The following IL17RC variants were observed in gnomAD, a reference collection of about 807,000 sequenced individuals.
IL17RC encodes the protein interleukin-17 receptor C.
IL17RC carries 53 observed loss-of-function variants against 86.7 expected under a neutral mutation model. The observed-to-expected ratio is 0.61, with a 90% confidence interval of 0.49 to 0.77. The LOEUF (loss-of-function observed/expected upper bound fraction) is 0.77, where lower values mean the gene tolerates loss of function less well. Among genes scored for constraint, IL17RC ranks in the 30% least tolerant of loss-of-function variants. The probability of loss-of-function intolerance (pLI) is 0.00; values close to 1 mark genes in which losing one functional copy is unlikely to be tolerated. For missense variants in IL17RC, 957 were observed against 940.0 expected, an observed-to-expected ratio of 1.02 and a Z score of -0.24; for synonymous variants, 439 against 413.1, an observed-to-expected ratio of 1.06 and a Z score of -0.76.
chr3:9,925,860 ATTT>A (rs112277639), intron 9 of IL17RC, among the ~76,000 whole-genome samples: 12 of 138,488 alleles, frequency 8.7e-5, no homozygotes, highest in Non-Finnish European at 1.4e-4. Context: ...ATTTTCTTAA[ATTT>A]TTTTTTTTTT....
At chr3:9,920,386 G>T (rs760780737) in intron 5 of IL17RC, 105 bp from the exon 6 acceptor site, 2 of 690,458 alleles carry the variant, frequency 2.9e-6, no homozygotes, top group Non-Finnish European at 5.3e-6. Context: ...TCATTAGTTG[G>T]GGGAGGAGGG....
intron 7 of IL17RC, 134 bp downstream of exon 7, chr3:9,921,103 CATTCATTT>C (rs2083505524): frequency 1.7e-6 from 1 of 586,752 alleles, no homozygotes; most frequent in Non-Finnish European, 3.0e-6. Flanking sequence ...TTCATTCATT[CATTCATTT>C]GTTCATAACA....
chr3:9,932,213 T>G (rs2084785848), intron 16 of IL17RC, among the ~76,000 whole-genome samples: 1 of 152,068 alleles, frequency 6.6e-6, no homozygotes, highest in Admixed American at 6.5e-5. Context: ...GGCAAATCAT[T>G]TCTTCGTTTT....
At chr3:9,919,632 C>G (rs890134777) in intron 5 of IL17RC, among the ~76,000 whole-genome samples, 2 of 151,928 alleles carry the variant, frequency 1.3e-5, no homozygotes, top group East Asian at 3.9e-4. Flanking sequence ...GGCGACAGAG[C>G]GAGATTCCGT....
rs761856899 is a variant in IL17RC at position 9,930,504 on chromosome 3, C to A, written c.1338+45C>A. ...GCCCCACCTCAATGCCTAGGGGCAA[C>A]AGGCCTAAAACTAGCACTCACCTAC... On this transcript the variant is annotated intron_variant, in intron 15 of 18. Coordinates refer to ENST00000403601, the MANE Select transcript of IL17RC (RefSeq NM_153460.4). The surrounding 1 kb of genome is among the most constrained non-coding windows in gnomAD (Gnocchi z 5.8). The A allele has an allele frequency of 6.3e-7, 1 of 1,582,654 alleles. No homozygotes were observed. The highest frequency in any genetic ancestry group is 1.1e-5 in the South Asian group (1 of 90,102).
chr3:9,931,925 G>A lies in IL17RC; in HGVS notation c.1388-683G>A, dbSNP rs560381746. Among the ~76,000 whole-genome samples the A allele has an allele frequency of 2.0e-5, 3 of 150,980 alleles. No individual in the cohort carries two copies. The South Asian group carries it at 6.3e-4, about 32-fold the overall frequency. ...GACACCAGGTAGTTGCAGACACCCA[G>A]GACAGCAAGATCAAGGGCCCAGCAA... On this transcript the variant is annotated intron_variant, in intron 16 of 18. Coordinates refer to ENST00000403601, the MANE Select transcript of IL17RC (RefSeq NM_153460.4).
In IL17RC at chr3:9,917,407, C is replaced by T. The variant is rs2083168347; in HGVS notation, c.92C>T (p.Thr31Ile). The change falls in exon 1 of 19, where the codon ACC becomes ATC. Residue 31 changes from threonine to isoleucine, a missense_variant. Coordinates refer to ENST00000403601, the MANE Select transcript of IL17RC (RefSeq NM_153460.4). Reference sequence around the variant, plus strand: ...AGGCTTGTGGGGCCTCAGGACGCTACCCACTGCTCTCCGGTGAGTCTGGAA... The same window carrying T: ...AGGCTTGTGGGGCCTCAGGACGCTATCCACTGCTCTCCGGTGAGTCTGGAA... ...LERLVGPQDA[T>I]HCSPGLSCRL... The T allele has an allele frequency of 6.2e-7, 1 of 1,614,170 alleles. No homozygotes were observed. Among genetic ancestry groups the T allele is most frequent in the African/African-American group, 1.3e-5 (1 of 75,058 alleles).
intron 7 of IL17RC, among the ~76,000 whole-genome samples, chr3:9,921,624 CTTTTT>C (rs113901070): frequency 7.4e-6 from 1 of 135,704 alleles, no homozygotes; most frequent in Admixed American, 7.4e-5. Context: ...TACTGATTTT[CTTTTT>C]TTTTTTTTTT....
intron 9 of IL17RC, among the ~76,000 whole-genome samples, 182 bp downstream of exon 9, chr3:9,924,473 T>C (rs1229804690): frequency 6.6e-6 from 1 of 152,198 alleles, no homozygotes; most frequent in Non-Finnish European, 1.5e-5. Flanking sequence ...TTACATTCCC[T>C]GAATGCTCTC....
In IL17RC at chr3:9,924,217, T is replaced by G; in HGVS notation, c.763-15T>G. 2 of 1,614,030 alleles carry G rather than the reference T, an allele frequency of 1.2e-6. No individual in the cohort carries two copies. The highest frequency in any genetic ancestry group is 1.7e-6 in the Non-Finnish European group (2 of 1,179,992). ...CCTTATCTTCTCCAACCTCCTTCCT[T>G]TATTTGTTCCACAGACTGGACCGCA... On this transcript the variant is annotated splice_polypyrimidine_tract_variant and intron_variant, in intron 8 of 18. Transcript: ENST00000403601.
At chr3:9,921,738 C>T (rs2083575239) in intron 7 of IL17RC, among the ~76,000 whole-genome samples, 1 of 150,712 alleles carries the variant, frequency 6.6e-6, no homozygotes, top group African/African-American at 2.4e-5. Context: ...CATTCTCCTG[C>T]CTCAGCCTCC....
intron 12 of IL17RC, 80 bp downstream of exon 12, chr3:9,928,710 C>T (rs1247110656): frequency 5.5e-6 from 8 of 1,451,466 alleles, no homozygotes; most frequent in Non-Finnish European, 6.7e-6. Flanking sequence ...AGTTCTTGGG[C>T]CGCTAAAGCA....
intron 7 of IL17RC, among the ~76,000 whole-genome samples, chr3:9,921,591 C>A (rs1411145831): frequency 6.6e-6 from 1 of 151,474 alleles, no homozygotes; most frequent in Non-Finnish European, 1.5e-5. Flanking sequence ...GTATAACATA[C>A]ATACATAAAA....
intron 9 of IL17RC, 31 bp downstream of exon 9, chr3:9,924,322 G>A (rs776019084): frequency 1.2e-6 from 2 of 1,603,630 alleles, no homozygotes; most frequent in South Asian, 2.2e-5. Context: ...GGTGCCAGAA[G>A]AGGAGTGGGA....
In IL17RC at chr3:9,917,983, C is replaced by G; in HGVS notation, c.188C>G (p.Pro63Arg). The G allele has an allele frequency of 6.2e-7, 1 of 1,613,886 alleles. No homozygotes were observed. Among genetic ancestry groups the G allele is most frequent in the Non-Finnish European group, 8.5e-7 (1 of 1,179,968 alleles). The change falls in exon 3 of 19, where the codon CCT becomes CGT. Residue 63 changes from proline to arginine, a missense_variant. By Grantham distance (103) the Pro-to-Arg change is moderately radical (BLOSUM62 -2). Coordinates refer to ENST00000403601, the MANE Select transcript of IL17RC (RefSeq NM_153460.4). ...CCTGCTCCGGGCCCCGTGCTGGCGC[C>G]TACGCACCTGCAGACAGAGCTGGTG... Reference protein sequence around the residue: ...IVPAPGPVLAPTHLQTELVLR... With the variant: ...IVPAPGPVLARTHLQTELVLR...
rs2084264764 is a variant in IL17RC, at chr3:9,928,099, C to T, written c.823-67C>T. The stretch of plus-strand genomic sequence containing the variant: ...TACCTGCTGAATGAGTGCATCCCCA[C>T]TGTCCAGCAGAGGGCCAGGCACATG... On this transcript the variant is annotated intron_variant, in intron 9 of 18. Coordinates refer to ENST00000403601, the MANE Select transcript of IL17RC (RefSeq NM_153460.4). 17 of 1,475,270 alleles carry T rather than the reference C, an allele frequency of 1.2e-5. No individual in the cohort carries two copies. In the South Asian group the frequency reaches 1.8e-4, roughly 16 times the overall value. 91.4% of individuals were successfully genotyped at this position (1,475,270 alleles called of 1,614,324 possible).
intron 16 of IL17RC, among the ~76,000 whole-genome samples, chr3:9,931,468 CACATATATATATATATATAT>C (rs2084666150): frequency 1.1e-4 from 2 of 17,922 alleles, no homozygotes. Context: ...CACACACACA[CACATATATATATATATATAT>C]ATATATATAT....
At chr3:9,932,467 C>T (rs2084827433) in intron 16 of IL17RC, 141 bp from the exon 17 acceptor site, 5 of 780,462 alleles carry the variant, frequency 6.4e-6, no homozygotes, top group Middle Eastern at 3.5e-4. Flanking sequence ...ACCTCGTGAT[C>T]TGCCCGCCTC....
chr3:9,921,507 A>G (rs1252774358), intron 7 of IL17RC, among the ~76,000 whole-genome samples: 1 of 152,114 alleles, frequency 6.6e-6, no homozygotes, highest in African/African-American at 2.4e-5. Context: ...AAAAGCTAAG[A>G]AAGTCAAGGG....
Sources: gnomAD v4.1 joint callset for allele counts (sites outside exome capture counted in the v4.1 genomes callset) on GRCh38, gnomAD v4.1.1 for gene constraint, Gnocchi (gnomAD v3.1) non-coding constraint, MANE v1.5 for transcripts, NCBI Gene and HGNC (gene_info 2026-07-23, HGNC 2026-07-21) for gene names.